Variants in TF observed in about 807,000 individuals in gnomAD.
TF encodes serotransferrin.
Under a neutral mutation model 82.4 loss-of-function variants are expected in TF, and 55 were observed. The observed-to-expected ratio is 0.67, with a 90% CI of 0.54 to 0.84. The LOEUF (loss-of-function observed/expected upper bound fraction) is 0.84. Ranked by LOEUF, TF falls within the 40% of genes least tolerant of loss-of-function variation. TF has a pLI of 0.00. For missense variants in TF, 737 were observed against 868.4 expected (o/e 0.85, Z 1.90); for synonymous variants, 332 against 332.6 (o/e 1.00, Z 0.02).
At chr3:133,680,751 A>T in the TF span, among the ~76,000 whole-genome samples, 1 of 152,148 alleles carries the variant, frequency 6.6e-6, no homozygotes, top group Non-Finnish European at 1.5e-5. Context: ...TGTGTAAGGT[A>T]ATTTGGCATC....
chr3:133,704,835 T>C, the TF span, among the ~76,000 whole-genome samples: 1 of 152,194 alleles, frequency 6.6e-6, no homozygotes, highest in Non-Finnish European at 1.5e-5. Flanking sequence ...TCCATCCACA[T>C]GGAAAAATGA....
At chr3:133,717,010 C>A in the TF span, among the ~76,000 whole-genome samples, 4 of 152,194 alleles carry the variant, frequency 2.6e-5, no homozygotes, top group Non-Finnish European at 4.4e-5. Context: ...ACTTTCCTGG[C>A]CACTCTGTAA....
the TF span, among the ~76,000 whole-genome samples, chr3:133,672,438 G>A: frequency 1.4e-5 from 2 of 140,492 alleles, no homozygotes; most frequent in East Asian, 2.0e-4. Context: ...TTTCTCTCAC[G>A]AACACAAATG....
chr3:133,710,792 G>C, the TF span, among the ~76,000 whole-genome samples: 2 of 151,756 alleles, frequency 1.3e-5, no homozygotes, highest in African/African-American at 4.8e-5. Context: ...TTTAAAATTG[G>C]CCCCCCCACA....
intron 4 of TF, 104 bp downstream of exon 4, chr3:133,754,775 T>A: frequency 7.8e-7 from 1 of 1,284,230 alleles, no homozygotes; most frequent in East Asian, 2.3e-5. Context: ...TGGGATGAAC[T>A]CAGGTGGGGG....
Position 133,784,470 on chromosome 3 carries a change from AAAATAATAAT to A in TF, c.*5853_*5862del, listed in dbSNP as rs1934601304. 1.0e-5 allele frequency: 1 copy of A among 96,298 alleles called. No individual in the cohort carries two copies. Among genetic ancestry groups the A allele is most frequent in the African/African-American group, 4.5e-5 (1 of 22,412 alleles). 6.0% of individuals were successfully genotyped at this position (96,298 alleles called of 1,614,324 possible). The stretch of plus-strand genomic sequence containing the variant: ...ATCTTGTAAATTCCCATTTGTTAAA[AAAATAATAAT>A]AATAATAATAATAATAATAATAATA... On this transcript the variant is annotated 3_prime_UTR_variant, in exon 17 of 17. Transcript: ENST00000402696.
intron 5 of TF, 53 bp downstream of exon 5, chr3:133,755,548 G>T (rs903045532): frequency 5.6e-6 from 9 of 1,610,968 alleles, no homozygotes; most frequent in Non-Finnish European, 6.8e-6. Context: ...ATGTCCTCAG[G>T]GTGAGAGTTC....
At chr3:133,662,463 C>A in the TF span, 2 of 152,258 alleles carry the variant, frequency 1.3e-5, no homozygotes, top group Non-Finnish European at 2.9e-5. Context: ...CCGCCTAACA[C>A]AGCCACAAGA....
In TF at chr3:133,792,710, G is replaced by A. The variant is rs566486078; in HGVS notation, c.*14090G>A. Reference sequence around the variant, plus strand: ...CAGTGAAAGATTATAACAAGGCATGGGAATGTAGATTTTTTTTTCTGTCTA... The same window carrying A: ...CAGTGAAAGATTATAACAAGGCATGAGAATGTAGATTTTTTTTTCTGTCTA... On this transcript the variant is annotated 3_prime_UTR_variant, in exon 17 of 17. Transcript: ENST00000402696. 11 of 152,198 alleles carry A rather than the reference G, an allele frequency of 7.2e-5. No homozygotes were observed. Among genetic ancestry groups the A allele is most frequent in the East Asian group, 3.9e-4 (2 of 5,186 alleles). The allele number at this position is 152,198 out of a possible 1,614,324, so 9.4% of individuals were successfully genotyped here. A position where few individuals can be genotyped will look rare whatever the true frequency, so the allele number is the denominator to read the frequency against.
At chr3:133,724,549 A>T in the TF span, among the ~76,000 whole-genome samples, 5 of 152,016 alleles carry the variant, frequency 3.3e-5, no homozygotes, top group African/African-American at 1.2e-4. Context: ...TAGATTCTGG[A>T]TATTAGCCCT....
At chr3:133,733,110 C>T in the TF span, among the ~76,000 whole-genome samples, 2 of 152,182 alleles carry the variant, frequency 1.3e-5, no homozygotes, top group Non-Finnish European at 2.9e-5. Flanking sequence ...AGGAATAAAC[C>T]CCACTTCTGG....
At position 133,782,244 on chromosome 3, in the gene TF, T is replaced by C. The variant is rs1298643668; in HGVS notation, c.*3624T>C. ...GGAAAACAGTATGGAGGTTTCTAAA[T>C]AAACTGAAAATAGGGCTACATATGA... On this transcript the variant is annotated 3_prime_UTR_variant, in exon 17 of 17. Transcript: ENST00000402696. The C allele has an allele frequency of 6.6e-6, 1 of 152,160 alleles. No individual in the cohort carries two copies. The highest frequency in any genetic ancestry group is 1.5e-5 in the Non-Finnish European group (1 of 68,022). The allele number at this position is 152,160 out of a possible 1,614,324, so 9.4% of individuals were successfully genotyped here.
chr3:133,753,323 C>T (rs531289853), intron 2 of TF, among the ~76,000 whole-genome samples: 2 of 152,272 alleles, frequency 1.3e-5, no homozygotes, highest in Admixed American at 6.5e-5. Flanking sequence ...GGTAAAGTCA[C>T]GTAGGATTTT....
In TF at chr3:133,789,879, GTTTTTTTTTTTTTTTTTT is replaced by G. The variant is rs56267966; in HGVS notation, c.*11271_*11288del. The G allele has an allele frequency of 1.1e-5, 1 of 88,982 alleles. No homozygotes were observed. Among genetic ancestry groups the G allele is most frequent in the Admixed American group, 1.2e-4 (1 of 8,066 alleles). 5.5% of individuals were successfully genotyped at this position (88,982 alleles called of 1,614,324 possible). On this transcript the variant is annotated 3_prime_UTR_variant, in exon 17 of 17. Coordinates refer to ENST00000402696, the MANE Select transcript of TF (RefSeq NM_001063.4). ...GCCAAAACAAAACGATCTCGTTTGC[GTTTTTTTTTTTTTTTTTT>G]TTTTTTTTTTTGACAAATGAGCATA...
At chr3:133,736,446 A>G in the TF span, among the ~76,000 whole-genome samples, 1 of 152,160 alleles carries the variant, frequency 6.6e-6, no homozygotes, top group African/African-American at 2.4e-5. Context: ...TCAAATTCAC[A>G]CATAACAATA....
At chr3:133,762,313 A>ACAGGAACTTGAG (rs1934015757) in intron 9 of TF, 1 of 164,434 alleles carries the variant, frequency 6.1e-6, no homozygotes, top group Non-Finnish European at 1.4e-5. Flanking sequence ...GAAAGGACTT[A>ACAGGAACTTGAG]CAGGAACTTG....
At chr3:133,713,173 A>G in the TF span, among the ~76,000 whole-genome samples, 7 of 152,130 alleles carry the variant, frequency 4.6e-5, no homozygotes, top group Non-Finnish European at 1.0e-4. Context: ...CACTTCTTAC[A>G]CTTGGCTGGT....
the TF span, among the ~76,000 whole-genome samples, chr3:133,673,889 TCA>T: frequency 6.6e-6 from 1 of 152,216 alleles, no homozygotes; most frequent in Non-Finnish European, 1.5e-5. Flanking sequence ...CAGGCAGAAG[TCA>T]CAGACCTGAG....
chr3:133,707,805 A>G, the TF span: 1 of 152,364 alleles, frequency 6.6e-6, no homozygotes, highest in South Asian at 2.1e-4. Flanking sequence ...GTTATATAGT[A>G]TTGGCACTGG....
Sources: allele counts gnomAD v4.1 joint callset (sites outside exome capture counted in the v4.1 genomes callset), GRCh38; gene constraint gnomAD v4.1.1; transcripts MANE v1.5; gene names NCBI Gene and HGNC (gene_info 2026-07-23, HGNC 2026-07-21).